The following MYO3A variants were observed in gnomAD, a reference collection of about 807,000 sequenced individuals.
MYO3A encodes the protein myosin IIIA, also known as myosin-IIIa.
MYO3A carries 180 observed loss-of-function variants against 192.7 expected under a neutral mutation model. The observed-to-expected ratio is 0.93, with a 90% confidence interval of 0.83 to 1.06. MYO3A has a LOEUF of 1.06. Among genes scored for constraint, MYO3A ranks in the 50% least tolerant of loss-of-function variants. The probability of loss-of-function intolerance (pLI) is 0.00; values close to 1 mark genes in which losing one functional copy is unlikely to be tolerated. For synonymous variants in MYO3A, 628 were observed against 645.3 expected, an observed-to-expected ratio of 0.97 and a Z score of 0.41; for missense variants, 1,896 against 1,905.0, an observed-to-expected ratio of 1.00 and a Z score of 0.09.
chr10:26,097,497 A>G (rs1837118692), intron 17 of MYO3A, among the ~76,000 whole-genome samples: 4 of 151,846 alleles, frequency 2.6e-5, no homozygotes, highest in Admixed American at 2.6e-4. Context: ...TTAACTCGTC[A>G]TTTACATTAG....
intron 10 of MYO3A, among the ~76,000 whole-genome samples, chr10:26,029,199 C>T (rs750622408): frequency 6.6e-6 from 1 of 152,146 alleles, no homozygotes; most frequent in African/African-American, 2.4e-5. Flanking sequence ...TTATTGGGCA[C>T]AGTGTTATGC....
In MYO3A at chr10:25,934,260, C is replaced by T. The variant is rs961063814; in HGVS notation, c.-173C>T. Reference sequence around the variant, plus strand: ...TCCCCTGCTCGGCTGCCCCTGCCCGCCCCTCGAGGGAGCGCCCGTAGCCAG... The same window carrying T: ...TCCCCTGCTCGGCTGCCCCTGCCCGTCCCTCGAGGGAGCGCCCGTAGCCAG... On this transcript the variant is annotated 5_prime_UTR_variant, in exon 1 of 35. Coordinates refer to ENST00000642920, the MANE Select transcript of MYO3A (RefSeq NM_017433.5). 2.6e-5 allele frequency: 4 copies of T among 152,730 alleles called. No individual in the cohort carries two copies. The South Asian group carries it at 6.2e-4, about 24-fold the overall frequency. The allele number at this position is 152,730 out of a possible 1,614,324, so 9.5% of individuals were successfully genotyped here.
intron 4 of MYO3A, among the ~76,000 whole-genome samples, chr10:25,982,704 C>T (rs1839407832): frequency 1.3e-5 from 2 of 152,110 alleles, no homozygotes; most frequent in Non-Finnish European, 2.9e-5. Context: ...CCAATAACTA[C>T]AATTTGGGTA....
rs745680182 is a variant in MYO3A at position 26,070,321 on chromosome 10, A to G, written c.1279A>G (p.Ile427Val). The change falls in exon 14 of 35, where the codon ATT (isoleucine) becomes GTT (valine). Residue 427 changes from isoleucine (I) to valine (V), a missense_variant. Transcript: ENST00000642920. ...CAGTTTTCTTTTCTATGTATAGTGC[A>G]TTGTTATTTCTGGAGAAAGTGGTGC... The part of the protein sequence containing the change: ...SMITYNSDQC[I>V]VISGESGAGK... 10 of 1,613,092 alleles carry G rather than the reference A, an allele frequency of 6.2e-6. No individual in the cohort carries two copies. Among genetic ancestry groups the G allele is most frequent in the Middle Eastern group, 3.3e-4 (2 of 6,054 alleles).
chr10:26,211,843 G>C lies in MYO3A; in HGVS notation c.4731G>C (p.Arg1577Ser). 6.2e-7 allele frequency: 1 copy of C among 1,614,118 alleles called. No homozygotes were observed. Among genetic ancestry groups the C allele is most frequent in the Non-Finnish European group, 8.5e-7 (1 of 1,180,030 alleles). Residue 1577 changes from arginine to serine, a missense_variant and splice_region_variant, in exon 35 of 35, where the codon AGG becomes AGC. By Grantham distance (110) the Arg-to-Ser change is moderately radical. Transcript: ENST00000642920. ...CTTGGGCCCTGGGTTTCACTTGCAG[G>C]TGCTGGGCGGCGGAGAGCCCCGAGA... is the stretch of plus-strand genomic sequence containing the variant. ...LQNQCIKANE[R>S]CWAAESPEKE...
intron 4 of MYO3A, among the ~76,000 whole-genome samples, chr10:25,969,605 A>C (rs1226503799): frequency 6.6e-6 from 1 of 152,212 alleles, no homozygotes; most frequent in East Asian, 1.9e-4. Context: ...GTGGAGTACA[A>C]AATGGAATAC....
chr10:26,124,410 A>C (rs1839076510), intron 18 of MYO3A, among the ~76,000 whole-genome samples: 1 of 152,190 alleles, frequency 6.6e-6, no homozygotes, highest in Non-Finnish European at 1.5e-5. Flanking sequence ...ACAAAATGGG[A>C]AATGCATAAG....
In MYO3A at chr10:26,211,949, G is replaced by A. The variant is rs762500394; in HGVS notation, c.4837G>A (p.Val1613Ile). The change falls in exon 35 of 35, where the codon GTC becomes ATC. Residue 1613 changes from valine (V) to isoleucine (I), a missense_variant. Val to Ile is a conservative substitution (Grantham distance 29, BLOSUM62 3). Coordinates refer to ENST00000642920, the MANE Select transcript of MYO3A (RefSeq NM_017433.5). Reference protein sequence around the residue: ...LRKTSQRRRLVQQS With the variant: ...LRKTSQRRRLIQQS ...CAAAACCTCCCAGCGCCGGCGCCTC[G>A]TCCAGCAGTCCTAACCGTTCAACGA... 6.2e-7 allele frequency: 1 copy of A among 1,613,852 alleles called. No individual in the cohort carries two copies. The highest frequency in any genetic ancestry group is 2.2e-5 in the East Asian group (1 of 44,866).
intron 32 of MYO3A, among the ~76,000 whole-genome samples, chr10:26,197,920 C>T (rs1843492752): frequency 6.6e-6 from 1 of 152,170 alleles, no homozygotes; most frequent in Admixed American, 6.5e-5. Context: ...GTGTGACTTC[C>T]CCCTCTAAAC....
At chr10:26,075,314 G>A (rs1480534843) in intron 14 of MYO3A, among the ~76,000 whole-genome samples, 1 of 150,856 alleles carries the variant, frequency 6.6e-6, no homozygotes, top group East Asian at 1.9e-4. Context: ...GGATACAGGT[G>A]GTATTTGGTT....
intron 10 of MYO3A, among the ~76,000 whole-genome samples, chr10:26,032,756 GAAAAC>G (rs1436920936): frequency 1.3e-5 from 2 of 151,928 alleles, no homozygotes; most frequent in Non-Finnish European, 2.9e-5. Flanking sequence ...AATGAAAAGA[GAAAAC>G]AAAAAAATAG....
At chr10:26,023,012 A>T (rs1842384685) in intron 8 of MYO3A, 1 of 152,246 alleles carries the variant, frequency 6.6e-6, no homozygotes, top group East Asian at 1.9e-4. Context: ...AAACTTTGTT[A>T]TTCAAAGCAA....
intron 10 of MYO3A, among the ~76,000 whole-genome samples, chr10:26,027,880 T>C (rs904541407): frequency 6.6e-6 from 1 of 152,204 alleles, no homozygotes; most frequent in Non-Finnish European, 1.5e-5. Flanking sequence ...TAATGAACAG[T>C]TGTACATTAA....
intron 18 of MYO3A, among the ~76,000 whole-genome samples, chr10:26,121,982 C>A (rs547457282): frequency 6.6e-6 from 1 of 152,102 alleles, no homozygotes; most frequent in African/African-American, 2.4e-5. Flanking sequence ...ATGTAGTGAC[C>A]GGCATGTGCC....
intron 14 of MYO3A, among the ~76,000 whole-genome samples, chr10:26,072,056 A>G (rs78658257): frequency 6.7e-6 from 1 of 149,330 alleles, no homozygotes; most frequent in Non-Finnish European, 1.5e-5. Flanking sequence ...TTCACATGGC[A>G]GCAGGAGAGA....
rs1220259104 is a variant in MYO3A at position 26,075,590 on chromosome 10, G to GAT, written c.1359+5198_1359+5199dup. On this transcript the variant is annotated intron_variant, in intron 14 of 34. Coordinates refer to ENST00000642920, the MANE Select transcript of MYO3A (RefSeq NM_017433.5). ...TAGTCTCTCATATATATATATATAT[G>GAT]ATATATATATGTCTCTCTCATATAT... is the stretch of plus-strand genomic sequence containing the variant. 2.3e-5 allele frequency among the ~76,000 whole-genome samples: 3 copies of GAT among 128,810 alleles called. No homozygotes were observed. In the Admixed American group the frequency reaches 2.3e-4, roughly 10 times the overall value. 84.5% of individuals were successfully genotyped at this position (128,810 alleles called of 152,430 possible).
chr10:25,935,834 G>A lies in MYO3A; in HGVS notation c.-18+4G>A, dbSNP rs1836028469. On this transcript the variant is annotated splice_donor_region_variant and intron_variant, in intron 2 of 34. Transcript: ENST00000642920. ...TTATTTTCAAGCTTTGCTAACGGTA[G>A]GTGATAAAATTGACAAGTGTTCTGG... 6.6e-6 allele frequency: 1 copy of A among 152,190 alleles called. No individual in the cohort carries two copies. Among genetic ancestry groups the A allele is most frequent in the Non-Finnish European group, 1.5e-5 (1 of 68,038 alleles). 9.4% of individuals were successfully genotyped at this position (152,190 alleles called of 1,614,324 possible).
At chr10:26,170,658 A>T in intron 29 of MYO3A, 119 bp downstream of exon 29, 13 of 1,063,042 alleles carry the variant, frequency 1.2e-5, no homozygotes, top group Non-Finnish European at 1.7e-5. Flanking sequence ...TGACACATCA[A>T]ATGTCAGTGA....
chr10:26,000,930 A>G (rs1353857134), intron 6 of MYO3A, among the ~76,000 whole-genome samples: 1 of 152,166 alleles, frequency 6.6e-6, no homozygotes, highest in African/African-American at 2.4e-5. Context: ...GCAGGAGGGC[A>G]AAGGCAAAGC....
Sources: allele counts gnomAD v4.1 joint callset (sites outside exome capture counted in the v4.1 genomes callset), GRCh38; gene constraint gnomAD v4.1.1; transcripts MANE v1.5; gene names NCBI Gene and HGNC (gene_info 2026-07-23, HGNC 2026-07-21).